Variants in BRINP3 observed in about 807,000 individuals in gnomAD.
The protein encoded by BRINP3 is BMP/retinoic acid inducible neural specific 3.
A neutral mutation model predicts 71.0 loss-of-function variants in BRINP3; 19 were observed. The observed-to-expected ratio is 0.27, with a 90% confidence interval of 0.19 to 0.39. The LOEUF (loss-of-function observed/expected upper bound fraction) is 0.39, where lower values mean the gene tolerates loss of function less well. BRINP3 is among the 10% of genes least tolerant of loss of function. The pLI, the probability that BRINP3 is intolerant of heterozygous loss-of-function variation, is 1.00. For synonymous variants in BRINP3, 380 were observed against 337.7 expected (o/e 1.13, Z -1.37); for missense variants, 959 against 940.8 (o/e 1.02, Z -0.25).
At chr1:190,239,209 A>C (rs1360319504) in intron 4 of BRINP3, among the ~76,000 whole-genome samples, 1 of 152,132 alleles carries the variant, frequency 6.6e-6, no homozygotes, top group Non-Finnish European at 1.5e-5. Context: ...GATTTGGGTG[A>C]AGACACAGAG....
At chr1:190,434,934 G>C (rs1444715553) in intron 2 of BRINP3, among the ~76,000 whole-genome samples, 1 of 152,088 alleles carries the variant, frequency 6.6e-6, no homozygotes, top group African/African-American at 2.4e-5. Context: ...AATCTGCCTA[G>C]ATAGCAGAGA....
chr1:190,293,276 T>C (rs530506410), intron 2 of BRINP3, among the ~76,000 whole-genome samples: 4 of 152,244 alleles, frequency 2.6e-5, no homozygotes, highest in African/African-American at 9.6e-5. Flanking sequence ...TTTTTATCAA[T>C]ACATAAGTCA....
At chr1:190,101,936 G>A (rs2102245767) in intron 7 of BRINP3, among the ~76,000 whole-genome samples, 1 of 152,248 alleles carries the variant, frequency 6.6e-6, no homozygotes, top group Non-Finnish European at 1.5e-5. Flanking sequence ...CATTATGGAA[G>A]GAAAGCGTTT....
intron 4 of BRINP3, among the ~76,000 whole-genome samples, chr1:190,244,132 T>C (rs534426575): frequency 1.3e-5 from 2 of 152,082 alleles, no homozygotes; most frequent in South Asian, 4.1e-4. Context: ...TGAATCATCC[T>C]GAAACCATTC....
chr1:190,177,873 T>C, intron 6 of BRINP3, among the ~76,000 whole-genome samples: 1 of 152,170 alleles, frequency 6.6e-6, no homozygotes, highest in Non-Finnish European at 1.5e-5. Context: ...AATAGAAAAT[T>C]TAAAAAATGG....
chr1:190,303,347 G>A (rs1664867144), intron 2 of BRINP3, among the ~76,000 whole-genome samples: 1 of 151,674 alleles, frequency 6.6e-6, no homozygotes, highest in South Asian at 2.1e-4. Flanking sequence ...CTATGAAGAT[G>A]AGGGTAATCA....
intron 7 of BRINP3, among the ~76,000 whole-genome samples, chr1:190,107,008 C>T (rs1009750656): frequency 1.3e-5 from 2 of 151,836 alleles, no homozygotes; most frequent in Admixed American, 6.6e-5. Context: ...TTACAATCAT[C>T]GTTGTTGTTC....
chr1:190,281,690 A>G lies in BRINP3; in HGVS notation c.297T>C (p.Ser99=), dbSNP rs1218636950. Residue 99 remains serine (S), a synonymous_variant, in exon 3 of 8, where the codon TCT becomes TCC. Coordinates refer to ENST00000367462, the MANE Select transcript of BRINP3 (RefSeq NM_199051.3). ...LAVERRNFLG[S]PLPLAPEFFR... is the part of the protein sequence containing the mutation. ...AGAATTCAGGGGCAAGAGGCAGAGGAGAGCCAAGGAAATTTCTTCTCTCAA... is the reference window on the plus strand; with the variant it reads ...AGAATTCAGGGGCAAGAGGCAGAGGGGAGCCAAGGAAATTTCTTCTCTCAA... 2 of 1,612,740 alleles carry G rather than the reference A, an allele frequency of 1.2e-6. No individual in the cohort carries two copies. The highest frequency in any genetic ancestry group is 1.7e-6 in the Non-Finnish European group (2 of 1,179,314).
At chr1:190,267,587 T>C (rs1216956955) in intron 3 of BRINP3, among the ~76,000 whole-genome samples, 4 of 152,030 alleles carry the variant, frequency 2.6e-5, no homozygotes, top group Non-Finnish European at 5.9e-5. Context: ...AAAGCAGGTG[T>C]TCGTTGTTTT....
intron 3 of BRINP3, among the ~76,000 whole-genome samples, chr1:190,276,617 A>G (rs1161228750): frequency 6.6e-6 from 1 of 150,874 alleles, no homozygotes; most frequent in East Asian, 1.9e-4. Flanking sequence ...ACTACATTGG[A>G]GGCATAGTTT....
At chr1:190,462,470 A>G (rs533479041) in intron 1 of BRINP3, among the ~76,000 whole-genome samples, 2 of 152,284 alleles carry the variant, frequency 1.3e-5, no homozygotes, top group South Asian at 4.1e-4. Context: ...AATTTAAAGA[A>G]TAATAATAAA....
At chr1:190,300,860 AG>A (rs1664630808) in intron 2 of BRINP3, among the ~76,000 whole-genome samples, 1 of 152,054 alleles carries the variant, frequency 6.6e-6, no homozygotes, top group African/African-American at 2.4e-5. Flanking sequence ...AACTCTAAAA[AG>A]CAGAGCACCT....
chr1:190,461,968 G>C (rs926223855), intron 1 of BRINP3, among the ~76,000 whole-genome samples: 1 of 151,998 alleles, frequency 6.6e-6, no homozygotes, highest in African/African-American at 2.4e-5. Context: ...AGGCTGGAGC[G>C]CAGTGGCTCG....
chr1:190,182,244 A>C (rs1653092718), intron 6 of BRINP3, among the ~76,000 whole-genome samples: 1 of 151,986 alleles, frequency 6.6e-6, no homozygotes, highest in African/African-American at 2.4e-5. Flanking sequence ...AATTTTGAAA[A>C]TTCTCTGCTA....
At chr1:190,216,032 C>G (rs1656386548) in intron 6 of BRINP3, among the ~76,000 whole-genome samples, 1 of 149,358 alleles carries the variant, frequency 6.7e-6, no homozygotes, top group Non-Finnish European at 1.5e-5. Context: ...AAAAAAACAA[C>G]TGGGGATAAC....
At position 190,265,061 on chromosome 1, in the gene BRINP3, T is replaced by G. The variant is rs766446127; in HGVS notation, c.428-6A>C. ...AATTGTGAGTGACTCCTCTCCTGCA[T>G]TAATAATATTTCAAATTATTCAATT... On this transcript the variant is annotated splice_region_variant and splice_polypyrimidine_tract_variant and intron_variant, in intron 3 of 7. Transcript: ENST00000367462. 2 of 1,578,466 alleles carry G rather than the reference T, an allele frequency of 1.3e-6. No individual in the cohort carries two copies. The highest frequency in any genetic ancestry group is 2.4e-5 in the South Asian group (2 of 84,786).
intron 2 of BRINP3, among the ~76,000 whole-genome samples, chr1:190,396,563 G>C (rs550802717): frequency 6.6e-6 from 1 of 151,232 alleles, no homozygotes; most frequent in Non-Finnish European, 1.5e-5. Flanking sequence ...TTCTAAAGTG[G>C]CCATCAATTA....
At chr1:190,321,570 C>G (rs1306466079) in intron 2 of BRINP3, among the ~76,000 whole-genome samples, 1 of 151,970 alleles carries the variant, frequency 6.6e-6, no homozygotes. Context: ...GCCAAAAGGT[C>G]TCTTGATTAG....
At chr1:190,151,317 A>G in intron 7 of BRINP3, among the ~76,000 whole-genome samples, 1 of 152,154 alleles carries the variant, frequency 6.6e-6, no homozygotes, top group East Asian at 1.9e-4. Context: ...CAAAAGTACA[A>G]CCATTCTAAA....
Sources: allele counts gnomAD v4.1 joint callset (sites outside exome capture counted in the v4.1 genomes callset), GRCh38; gene constraint gnomAD v4.1.1; transcripts MANE v1.5; gene names NCBI Gene and HGNC (gene_info 2026-07-23, HGNC 2026-07-21).